The following AMPH variants were observed in gnomAD, a reference collection of about 807,000 sequenced individuals.
AMPH encodes the protein amphiphysin.
Under a neutral mutation model 99.1 loss-of-function variants are expected in AMPH, and 49 were observed. The observed-to-expected ratio is 0.49, with a 90% confidence interval of 0.39 to 0.63. AMPH has a LOEUF of 0.63. Ranked by LOEUF, AMPH falls within the 20% of genes least tolerant of loss-of-function variation. AMPH has a pLI of 0.00. For missense variants in AMPH, 759 were observed against 863.4 expected (o/e 0.88, Z 1.52); for synonymous variants, 314 against 317.3 (o/e 0.99, Z 0.11).
At chr7:38,428,672 G>A (rs1353268676) in intron 14 of AMPH, 20 of 456,532 alleles carry the variant, frequency 4.4e-5, no homozygotes, top group African/African-American at 3.4e-4. Context: ...AGTAGGTCTG[G>A]AGAGATGGAT....
chr7:38,447,106 G>A (rs887764225), intron 11 of AMPH, among the ~76,000 whole-genome samples: 2 of 151,838 alleles, frequency 1.3e-5, no homozygotes, highest in Admixed American at 6.6e-5. Flanking sequence ...TGCAACCTCC[G>A]CCTCCTGGGT....
At chr7:38,402,794 C>T (rs1226569451) in intron 17 of AMPH, among the ~76,000 whole-genome samples, 1 of 152,128 alleles carries the variant, frequency 6.6e-6, no homozygotes, top group South Asian at 2.1e-4. Flanking sequence ...TCCATTTATA[C>T]TTTGTTTTAT....
At chr7:38,416,856 C>T (rs1263081537) in intron 17 of AMPH, among the ~76,000 whole-genome samples, 1 of 152,190 alleles carries the variant, frequency 6.6e-6, no homozygotes, top group African/African-American at 2.4e-5. Context: ...CTATCTTGCA[C>T]TATTATTTAT....
intron 5 of AMPH, among the ~76,000 whole-genome samples, chr7:38,490,437 A>G (rs1390826223): frequency 2.6e-5 from 4 of 152,148 alleles, no homozygotes; most frequent in Admixed American, 2.6e-4. Context: ...ACAATATTCA[A>G]TCCTTCACTT....
At chr7:38,620,045 A>C (rs1347355636) in intron 1 of AMPH, among the ~76,000 whole-genome samples, 5 of 152,052 alleles carry the variant, frequency 3.3e-5, no homozygotes, top group Non-Finnish European at 5.9e-5. Context: ...TGGACCATCT[A>C]CGCTATTTAA....
At chr7:38,462,448 T>C (rs1424508197) in intron 10 of AMPH, among the ~76,000 whole-genome samples, 1 of 152,210 alleles carries the variant, frequency 6.6e-6, no homozygotes, top group East Asian at 1.9e-4. Flanking sequence ...GTAGTTTCTC[T>C]CTACAGTTAC....
chr7:38,389,536 G>A (rs1294623208), intron 20 of AMPH, among the ~76,000 whole-genome samples: 2 of 152,128 alleles, frequency 1.3e-5, no homozygotes, highest in Non-Finnish European at 1.5e-5. Flanking sequence ...CTGAAGACAG[G>A]TGTTACAGAG....
At chr7:38,525,592 C>T (rs1790158778) in intron 2 of AMPH, among the ~76,000 whole-genome samples, 1 of 151,798 alleles carries the variant, frequency 6.6e-6, no homozygotes, top group Admixed American at 6.6e-5. Context: ...TTTTTATAAC[C>T]ACATCGACCC....
At chr7:38,489,751 C>T (rs933685817) in intron 5 of AMPH, among the ~76,000 whole-genome samples, 18 of 152,026 alleles carry the variant, frequency 1.2e-4, no homozygotes, top group African/African-American at 4.3e-4. Flanking sequence ...CTACAAACAA[C>T]CTCAGAGAAG....
chr7:38,505,428 A>C (rs1368922276), intron 2 of AMPH, among the ~76,000 whole-genome samples: 1 of 152,234 alleles, frequency 6.6e-6, no homozygotes, highest in Admixed American at 6.5e-5. Context: ...GGCACGTATG[A>C]ACTTCAAACA....
intron 13 of AMPH, among the ~76,000 whole-genome samples, chr7:38,431,658 A>C (rs1786034463): frequency 8.0e-6 from 1 of 124,290 alleles, no homozygotes; most frequent in Non-Finnish European, 1.5e-5. Flanking sequence ...CTCCGTCTTA[A>C]AAAAAAAAAA....
chr7:38,568,986 A>C (rs1791844693), intron 1 of AMPH, among the ~76,000 whole-genome samples: 2 of 152,204 alleles, frequency 1.3e-5, no homozygotes, highest in African/African-American at 4.8e-5. Context: ...AGAGAGGCAC[A>C]AGGTAACATC....
intron 1 of AMPH, among the ~76,000 whole-genome samples, chr7:38,571,275 A>AT (rs1562835168): frequency 2.2e-4 from 12 of 54,382 alleles, no homozygotes; most frequent in Admixed American, 9.3e-4. Flanking sequence ...ATTTATATAT[A>AT]TATTTTTATA....
At chr7:38,431,252 C>T (rs1332635732) in intron 13 of AMPH, among the ~76,000 whole-genome samples, 2 of 152,196 alleles carry the variant, frequency 1.3e-5, no homozygotes, top group Non-Finnish European at 2.9e-5. Flanking sequence ...ACACACCAGA[C>T]ACCATGCTAC....
intron 2 of AMPH, among the ~76,000 whole-genome samples, chr7:38,511,923 C>A (rs1414258507): frequency 6.6e-6 from 1 of 152,154 alleles, no homozygotes; most frequent in Non-Finnish European, 1.5e-5. Context: ...AGGCTTATAT[C>A]CAAGTGGTTA....
At chr7:38,449,593 C>T (rs761409017) in intron 11 of AMPH, among the ~76,000 whole-genome samples, 6 of 152,140 alleles carry the variant, frequency 3.9e-5, no homozygotes, top group East Asian at 1.9e-4. Flanking sequence ...CCAGATGATA[C>T]ATAAACTGCA....
chr7:38,494,534 T>C lies in AMPH; in HGVS notation c.206-7A>G. 6.2e-7 allele frequency: 1 copy of C among 1,612,592 alleles called. No homozygotes were observed. The highest frequency in any genetic ancestry group is 8.5e-7 in the Non-Finnish European group (1 of 1,178,676). The stretch of plus-strand genomic sequence containing the variant: ...ATGGAGGCCTCCTGCATGCCTAGTG[T>C]TGGAGAGAAACAACTCCCGTTACAC... On this transcript the variant is annotated splice_polypyrimidine_tract_variant and splice_region_variant and intron_variant, in intron 3 of 20. Transcript: ENST00000356264.
intron 2 of AMPH, among the ~76,000 whole-genome samples, chr7:38,518,035 A>C (rs980037123): frequency 6.6e-6 from 1 of 151,940 alleles, no homozygotes; most frequent in African/African-American, 2.4e-5. Context: ...CAACCAAGGG[A>C]CTCTGCTCCC....
At chr7:38,606,181 TTTTTTGC>T (rs1337284479) in intron 1 of AMPH, among the ~76,000 whole-genome samples, 2 of 152,142 alleles carry the variant, frequency 1.3e-5, no homozygotes, top group African/African-American at 2.4e-5. Context: ...TAGGGATTTG[TTTTTTGC>T]TTTTTGCTTT....
Sources: gnomAD v4.1 joint callset for allele counts (sites outside exome capture counted in the v4.1 genomes callset) on GRCh38, gnomAD v4.1.1 for gene constraint, MANE v1.5 for transcripts, NCBI Gene and HGNC (gene_info 2026-07-23, HGNC 2026-07-21) for gene names.